TBX15: variants seen among roughly 807,000 people sequenced by gnomAD.
The protein encoded by TBX15 is T-box transcription factor TBX15.
Under a neutral mutation model 53.9 loss-of-function variants are expected in TBX15, and 18 were observed. That is an observed-to-expected ratio of 0.33 (90% CI 0.23 to 0.49). The LOEUF (loss-of-function observed/expected upper bound fraction) is 0.49. Among genes scored for constraint, TBX15 ranks in the 20% least tolerant of loss-of-function variants. The pLI is 0.98. For missense variants in TBX15, 692 were observed against 749.5 expected (o/e 0.92, Z 0.90); for synonymous variants, 295 against 278.0 (o/e 1.06, Z -0.61).
chr1:118,903,931 A>C (rs1385094669), intron 6 of TBX15, among the ~76,000 whole-genome samples: 1 of 152,218 alleles, frequency 6.6e-6, no homozygotes, highest in African/African-American at 2.4e-5. Context: ...AAAGTCAAGG[A>C]AGATTCCACA....
At chr1:118,966,196 G>C (rs1167123344) in intron 1 of TBX15, among the ~76,000 whole-genome samples, 1 of 152,206 alleles carries the variant, frequency 6.6e-6, no homozygotes, top group East Asian at 1.9e-4. Context: ...AAGATGAAAA[G>C]AAGAATAGAA....
chr1:118,905,158 C>A (rs1447507134), intron 6 of TBX15, among the ~76,000 whole-genome samples: 1 of 152,152 alleles, frequency 6.6e-6, no homozygotes, highest in African/African-American at 2.4e-5. Flanking sequence ...TTCTGTCAGC[C>A]CTCTGGCTCT....
At chr1:118,931,895 A>G in intron 1 of TBX15, 63 bp from the exon 2 acceptor site, 1 of 1,495,342 alleles carries the variant, frequency 6.7e-7, no homozygotes, top group Admixed American at 2.0e-5. Context: ...CCATGGCCCT[A>G]AAAGATGGGG....
At chr1:118,936,667 T>C (rs1655981245) in intron 1 of TBX15, among the ~76,000 whole-genome samples, 1 of 152,212 alleles carries the variant, frequency 6.6e-6, no homozygotes, top group Non-Finnish European at 1.5e-5. Flanking sequence ...AAAGAGTTAA[T>C]GGTCAACATT....
At chr1:118,980,649 G>A (rs1019775562) in intron 1 of TBX15, among the ~76,000 whole-genome samples, 2 of 151,990 alleles carry the variant, frequency 1.3e-5, no homozygotes, top group African/African-American at 4.8e-5. Flanking sequence ...TAGTTATTCC[G>A]TTTACTTTCT....
chr1:118,946,695 C>T (rs528115120), intron 1 of TBX15, among the ~76,000 whole-genome samples: 1 of 152,220 alleles, frequency 6.6e-6, no homozygotes, highest in Non-Finnish European at 1.5e-5. Flanking sequence ...AAATGGCCAC[C>T]TGAGACCATC....
rs571821048 is a variant in TBX15, at chr1:118,923,366, A to G, written c.861+70T>C. ...TCAAATTCCCCTGAAAGTAAATAAT[A>G]CCTAAGGAATCTTATGCAGAAGGAC... On this transcript the variant is annotated intron_variant, in intron 5 of 7. Transcript: ENST00000369429. 6.2e-5 allele frequency: 98 copies of G among 1,588,768 alleles called. No individual in the cohort carries two copies. The South Asian group carries it at 6.3e-4, about 10-fold the overall frequency.
intron 5 of TBX15, 128 bp downstream of exon 5, chr1:118,923,308 C>T: frequency 8.2e-7 from 1 of 1,219,668 alleles, no homozygotes; most frequent in South Asian, 1.3e-5. Flanking sequence ...CTGTATAGTA[C>T]TTAACATTTA....
rs904010640 is a variant in TBX15, at chr1:118,883,870, C to A, written c.*862G>T. On this transcript the variant is annotated 3_prime_UTR_variant, in exon 8 of 8. Transcript: ENST00000369429. ...GGTTTGGGGGGACAAACCAAAAACA[C>A]GTCTCCTTGGTGAATTAAAATTCTC... 1 of 152,734 alleles carries A rather than the reference C, an allele frequency of 6.5e-6. No homozygotes were observed. Among genetic ancestry groups the A allele is most frequent in the Non-Finnish European group, 1.5e-5 (1 of 68,158 alleles). 9.5% of individuals were successfully genotyped at this position (152,734 alleles called of 1,614,324 possible).
rs763967043 is a variant in TBX15, at chr1:118,923,491, G to A, written c.806C>T (p.Thr269Met). 8.7e-6 allele frequency: 14 copies of A among 1,613,796 alleles called. No homozygotes were observed. The African/African-American group carries it at 1.1e-4, about 12-fold the overall frequency. ...GAACACAGTCTCAGGAAAGTTGAAC[G>A]TTTTCACCCCATCCCCAACAGGAAC... ...KPVPVGDGVK[T>M]FNFPETVFTT... Residue 269 changes from threonine to methionine, a missense_variant, in exon 5 of 8, where the codon ACG becomes ATG. Physicochemically the swap from Thr to Met is moderately conservative, Grantham distance 81. Transcript: ENST00000369429.
intron 1 of TBX15, among the ~76,000 whole-genome samples, chr1:118,956,777 C>T (rs1238883501): frequency 7.8e-6 from 1 of 128,442 alleles, no homozygotes; most frequent in Non-Finnish European, 1.6e-5. Flanking sequence ...ACGGTGAAAC[C>T]CCGTTTCTAC....
chr1:118,889,953 C>T (rs1171146080), intron 7 of TBX15, among the ~76,000 whole-genome samples: 1 of 152,158 alleles, frequency 6.6e-6, no homozygotes, highest in Non-Finnish European at 1.5e-5. Context: ...AAAGCATTAA[C>T]TATTCTCTTC....
At chr1:118,919,951 A>C (rs767485562) in intron 5 of TBX15, among the ~76,000 whole-genome samples, 1 of 152,208 alleles carries the variant, frequency 6.6e-6, no homozygotes, top group African/African-American at 2.4e-5. Context: ...CATTCATAAA[A>C]GTACCCATAT....
intron 1 of TBX15, among the ~76,000 whole-genome samples, chr1:118,942,691 TGAGTTCAAA>T (rs1284476428): frequency 6.6e-6 from 1 of 152,214 alleles, no homozygotes; most frequent in Non-Finnish European, 1.5e-5. Flanking sequence ...GGGTTTCAAC[TGAGTTCAAA>T]GAGTTCAGTC....
Position 118,935,405 on chromosome 1 carries a change from C to G in TBX15, c.206-3573G>C, listed in dbSNP as rs183509773. On this transcript the variant is annotated intron_variant, in intron 1 of 7. Transcript: ENST00000369429. ...ATTTATTCTTGGCAATTTGTGACTT[C>G]CTGTCCTCAAAAAATAGCCATTAGG... Among the ~76,000 whole-genome samples, 1,113 of 152,220 alleles carry G rather than the reference C, an allele frequency of 7.3e-3. 6 individuals carry two copies. The highest frequency in any genetic ancestry group is 0.015 in the Admixed American group (224 of 15,274).
intron 1 of TBX15, among the ~76,000 whole-genome samples, chr1:118,964,950 G>T (rs548048936): frequency 1.3e-5 from 2 of 152,344 alleles, no homozygotes; most frequent in Admixed American, 1.3e-4. Context: ...TTGTAACAGG[G>T]TGTTCATTTC....
At chr1:118,919,310 A>G (rs910705340) in intron 5 of TBX15, among the ~76,000 whole-genome samples, 2 of 152,252 alleles carry the variant, frequency 1.3e-5, no homozygotes, top group African/African-American at 4.8e-5. Context: ...CTTCTAAGAA[A>G]AAGCATGAAG....
intron 7 of TBX15, among the ~76,000 whole-genome samples, chr1:118,886,620 A>G (rs1653952787): frequency 6.6e-6 from 1 of 152,210 alleles, no homozygotes; most frequent in Non-Finnish European, 1.5e-5. Flanking sequence ...TGGCTTAAGA[A>G]CCAATCATAC....
At chr1:118,953,857 C>G (rs1019490370) in intron 1 of TBX15, among the ~76,000 whole-genome samples, 12 of 152,270 alleles carry the variant, frequency 7.9e-5, no homozygotes, top group African/African-American at 2.2e-4. Flanking sequence ...CTGAAATGAA[C>G]AGTCAAGGAG....
Sources: gnomAD v4.1 joint callset for allele counts (sites outside exome capture counted in the v4.1 genomes callset) on GRCh38, gnomAD v4.1.1 for gene constraint, MANE v1.5 for transcripts, NCBI Gene and HGNC (gene_info 2026-07-23, HGNC 2026-07-21) for gene names.